Variants in AGBL4 observed in about 807,000 individuals in gnomAD.
AGBL4 encodes AGBL carboxypeptidase 4.
A neutral mutation model predicts 66.4 loss-of-function variants in AGBL4; 58 were observed. That is an observed-to-expected ratio of 0.87 (90% CI 0.71 to 1.09). The LOEUF is 1.09. AGBL4 is among the 50% of genes least tolerant of loss of function. AGBL4 has a pLI of 0.00. For synonymous variants in AGBL4, 234 were observed against 222.9 expected (o/e 1.05, Z -0.44); for missense variants, 579 against 631.0 (o/e 0.92, Z 0.88).
intron 1 of AGBL4, among the ~76,000 whole-genome samples, chr1:50,016,423 A>C (rs1161379135): frequency 6.6e-6 from 1 of 152,142 alleles, no homozygotes; most frequent in African/African-American, 2.4e-5. Context: ...TTAGCCAGGC[A>C]TGGTGGTGTG....
At chr1:48,681,269 T>A (rs1331834117) in intron 6 of AGBL4, among the ~76,000 whole-genome samples, 1 of 152,092 alleles carries the variant, frequency 6.6e-6, no homozygotes, top group Non-Finnish European at 1.5e-5. Context: ...ATAAAATGAG[T>A]AAGTCGGGGT....
At chr1:49,024,211 G>A (rs1663466183) in intron 5 of AGBL4, among the ~76,000 whole-genome samples, 1 of 152,072 alleles carries the variant, frequency 6.6e-6, no homozygotes, top group Admixed American at 6.6e-5. Flanking sequence ...ATATTTAATG[G>A]ATTAATATGG....
chr1:48,847,786 G>T (rs1215870936), intron 6 of AGBL4, among the ~76,000 whole-genome samples: 1 of 152,154 alleles, frequency 6.6e-6, no homozygotes, highest in Non-Finnish European at 1.5e-5. Context: ...CAATTGAAAT[G>T]AAATTAAATG....
intron 5 of AGBL4, among the ~76,000 whole-genome samples, chr1:48,930,484 A>C (rs1173097709): frequency 6.6e-6 from 1 of 152,104 alleles, no homozygotes; most frequent in Non-Finnish European, 1.5e-5. Context: ...ATAGCAACCT[A>C]GATAGCCAAT....
intron 6 of AGBL4, chr1:48,761,466 G>A (rs1476925276): frequency 1.3e-6 from 2 of 1,550,152 alleles, no homozygotes; most frequent in African/African-American, 1.4e-5. Flanking sequence ...GGTCAGATTT[G>A]TCTTCTAAAA....
intron 9 of AGBL4, among the ~76,000 whole-genome samples, chr1:48,603,024 C>T (rs1399148917): frequency 6.6e-6 from 1 of 152,144 alleles, no homozygotes; most frequent in East Asian, 1.9e-4. Flanking sequence ...AAAGACTTTA[C>T]AGAGGAGGTG....
At chr1:49,375,153 C>T (rs1644446129) in intron 3 of AGBL4, among the ~76,000 whole-genome samples, 1 of 152,078 alleles carries the variant, frequency 6.6e-6, no homozygotes, top group Non-Finnish European at 1.5e-5. Context: ...TGAACAACTG[C>T]TTTTGCTTGG....
At chr1:49,303,628 TTTC>T (rs751691646) in intron 3 of AGBL4, among the ~76,000 whole-genome samples, 6 of 151,964 alleles carry the variant, frequency 3.9e-5, no homozygotes, top group South Asian at 4.1e-4. Flanking sequence ...AATTTTTCTT[TTTC>T]TTCTTCTTTT....
At chr1:49,268,336 G>A (rs1454331048) in intron 3 of AGBL4, 1 of 151,178 alleles carries the variant, frequency 6.6e-6, no homozygotes, top group Admixed American at 6.6e-5. Context: ...CAGTGCTTCT[G>A]AAATTCTCAA....
intron 1 of AGBL4, among the ~76,000 whole-genome samples, chr1:49,937,105 CAG>C (rs1424731042): frequency 5.0e-4 from 76 of 152,248 alleles, no homozygotes; most frequent in African/African-American, 1.7e-3. Flanking sequence ...ATCTCATGTG[CAG>C]AGACACACAT....
chr1:48,717,321 T>C (rs1647068089), intron 6 of AGBL4, among the ~76,000 whole-genome samples: 2 of 152,166 alleles, frequency 1.3e-5, no homozygotes, highest in Admixed American at 6.5e-5. Context: ...TGTGCATGTA[T>C]ATGTCTATAA....
chr1:49,312,662 A>G (rs979381585), intron 3 of AGBL4, among the ~76,000 whole-genome samples: 1 of 152,094 alleles, frequency 6.6e-6, no homozygotes, highest in Admixed American at 6.6e-5. Flanking sequence ...ACAATGGGCT[A>G]CAGATCTGAA....
At chr1:49,034,488 C>G (rs1557581757) in intron 5 of AGBL4, among the ~76,000 whole-genome samples, 2 of 152,030 alleles carry the variant, frequency 1.3e-5, no homozygotes, top group African/African-American at 4.8e-5. Context: ...CTGTTAAACA[C>G]TTGCATTCCT....
intron 1 of AGBL4, among the ~76,000 whole-genome samples, chr1:49,862,242 G>C (rs1338683006): frequency 6.6e-6 from 1 of 151,798 alleles, no homozygotes; most frequent in Non-Finnish European, 1.5e-5. Context: ...GCTGAAAAAT[G>C]CAATTGGCAT....
At chr1:49,396,106 C>T (rs890605029) in intron 3 of AGBL4, among the ~76,000 whole-genome samples, 4 of 151,650 alleles carry the variant, frequency 2.6e-5, no homozygotes, top group Non-Finnish European at 4.4e-5. Flanking sequence ...TTATTGTTCT[C>T]CCATGCTAAT....
At chr1:49,444,310 G>A (rs1646103193) in intron 3 of AGBL4, among the ~76,000 whole-genome samples, 1 of 151,868 alleles carries the variant, frequency 6.6e-6, no homozygotes, top group Admixed American at 6.6e-5. Flanking sequence ...GTGTTTTTTT[G>A]TTGTTGATTT....
At chr1:49,534,915 G>A (rs1651449318) in intron 3 of AGBL4, among the ~76,000 whole-genome samples, 1 of 152,204 alleles carries the variant, frequency 6.6e-6, no homozygotes. Context: ...ACAATGATAA[G>A]AAATGTGATT....
intron 3 of AGBL4, among the ~76,000 whole-genome samples, chr1:49,326,640 T>C (rs1314306270): frequency 1.3e-5 from 2 of 152,190 alleles, no homozygotes; most frequent in African/African-American, 2.4e-5. Flanking sequence ...AAGGATTATA[T>C]GGTATCTTGA....
At chr1:49,616,076 G>T (rs780224559) in intron 3 of AGBL4, among the ~76,000 whole-genome samples, 2 of 152,096 alleles carry the variant, frequency 1.3e-5, no homozygotes, top group Non-Finnish European at 2.9e-5. Context: ...GAGGAGAAAA[G>T]GTGGTGGGAA....
Sources: allele counts gnomAD v4.1 joint callset (sites outside exome capture counted in the v4.1 genomes callset), GRCh38; gene constraint gnomAD v4.1.1; transcripts MANE v1.5; gene names NCBI Gene and HGNC (gene_info 2026-07-23, HGNC 2026-07-21).